The following CENPP variants were observed in gnomAD, a reference collection of about 807,000 sequenced individuals.
CENPP encodes centromere protein P.
CENPP carries 24 observed loss-of-function variants against 35.6 expected under a neutral mutation model. The observed-to-expected ratio is 0.67, with a 90% CI of 0.49 to 0.95. The LOEUF is 0.95. CENPP is among the 40% of genes least tolerant of loss of function. CENPP has a pLI of 0.00. For synonymous variants in CENPP, 120 were observed against 125.5 expected (o/e 0.96, Z 0.29); for missense variants, 332 against 345.3 (o/e 0.96, Z 0.31).
intron 5 of CENPP, among the ~76,000 whole-genome samples, chr9:92,490,439 G>C (rs2131119830): frequency 6.6e-6 from 1 of 152,252 alleles, no homozygotes; most frequent in Non-Finnish European, 1.5e-5. Context: ...GTCTATCAAG[G>C]ATCTGAATTT....
chr9:92,577,402 C>T (rs985675767), intron 5 of CENPP, among the ~76,000 whole-genome samples: 5 of 152,100 alleles, frequency 3.3e-5, no homozygotes. Flanking sequence ...GTAGTCCTCA[C>T]TACTCGGGAG....
Position 92,400,418 on chromosome 9 carries a change from G to A in CENPP, c.564+20559G>A, listed in dbSNP as rs987346072. On this transcript the variant is annotated intron_variant, in intron 5 of 7. Transcript: ENST00000375587. The stretch of plus-strand genomic sequence containing the variant: ...CCCGCCTCAGCCTCCCAAAGTACTG[G>A]GATTACAGGCGTGAGCCACCACGCC... 2.6e-5 allele frequency among the ~76,000 whole-genome samples: 4 copies of A among 152,170 alleles called. No homozygotes were observed. The South Asian group carries it at 8.3e-4, about 32-fold the overall frequency.
chr9:92,550,199 C>T (rs767427582), intron 5 of CENPP, among the ~76,000 whole-genome samples: 3 of 152,094 alleles, frequency 2.0e-5, no homozygotes, highest in Non-Finnish European at 4.4e-5. Context: ...AGATCGAGAC[C>T]ATCCTGGCCA....
chr9:92,344,891 AGGCGCGGT>A (rs1414731569), intron 3 of CENPP, among the ~76,000 whole-genome samples: 1 of 146,532 alleles, frequency 6.8e-6, no homozygotes. Context: ...CTTATCGGCC[AGGCGCGGT>A]GGCTCCCGCC....
intron 5 of CENPP, chr9:92,415,467 A>C (rs772362041): frequency 1.3e-6 from 2 of 1,580,202 alleles, no homozygotes; most frequent in Admixed American, 3.7e-5. Context: ...ACATCACTGT[A>C]AGATTCATCT....
At chr9:92,535,896 A>C (rs540849186) in intron 5 of CENPP, 3 of 453,104 alleles carry the variant, frequency 6.6e-6, no homozygotes, top group South Asian at 5.0e-5. Context: ...ACCATTCCAC[A>C]TGCTAAGTAG....
intron 3 of CENPP, among the ~76,000 whole-genome samples, chr9:92,339,448 G>A (rs560410548): frequency 4.6e-5 from 7 of 152,096 alleles, no homozygotes; most frequent in African/African-American, 1.7e-4. Flanking sequence ...GCTATTACTG[G>A]CTCTGGCAGG....
chr9:92,452,206 G>A (rs1026131237), intron 5 of CENPP, among the ~76,000 whole-genome samples: 35 of 151,962 alleles, frequency 2.3e-4, no homozygotes, highest in Admixed American at 3.9e-4. Context: ...TCCAGTTTTT[G>A]CCCATTCAGT....
intron 4 of CENPP, among the ~76,000 whole-genome samples, chr9:92,362,937 C>T (rs1191191188): frequency 3.9e-5 from 6 of 152,024 alleles, no homozygotes; most frequent in Admixed American, 2.6e-4. Context: ...CAAAGTGTCC[C>T]GGATTTGATC....
intron 5 of CENPP, chr9:92,496,521 A>G (rs764385758): frequency 2.4e-5 from 38 of 1,582,774 alleles, no homozygotes; most frequent in Non-Finnish European, 3.2e-5. Context: ...ACATGGTCCC[A>G]GTAATAATCT....
intron 5 of CENPP, among the ~76,000 whole-genome samples, chr9:92,534,656 A>G (rs2131296313): frequency 6.6e-6 from 1 of 152,310 alleles, no homozygotes; most frequent in East Asian, 1.9e-4. Flanking sequence ...TTGGCACCTG[A>G]AATCATAAAA....
At chr9:92,356,126 C>G (rs570317085) in intron 4 of CENPP, among the ~76,000 whole-genome samples, 2 of 152,150 alleles carry the variant, frequency 1.3e-5, no homozygotes, top group African/African-American at 4.8e-5. Flanking sequence ...CTAAAAATAA[C>G]TACTGCTTAG....
intron 5 of CENPP, among the ~76,000 whole-genome samples, chr9:92,398,955 G>A (rs887258121): frequency 3.3e-5 from 5 of 151,912 alleles, no homozygotes; most frequent in African/African-American, 7.3e-5. Context: ...CCAGCTACTC[G>A]GAGGCTGAAG....
chr9:92,562,091 A>T (rs535191930), intron 5 of CENPP, among the ~76,000 whole-genome samples: 35 of 152,298 alleles, frequency 2.3e-4, no homozygotes, highest in East Asian at 1.2e-3. Context: ...TTGGTAACAG[A>T]TCACCGTGAA....
intron 2 of CENPP, among the ~76,000 whole-genome samples, chr9:92,333,095 T>TC (rs1189119525): frequency 6.6e-6 from 1 of 152,188 alleles, no homozygotes; most frequent in Admixed American, 6.5e-5. Context: ...AGGTTTCTGG[T>TC]CCCAATGACT....
chr9:92,326,016 A>G lies in CENPP; in HGVS notation c.18A>G (p.Ala6=). ...AACGCGCCATGGACGCAGAGCTGGC[A>G]GAGGTGCGCGCCTTGCAAGCTGAGA... is the stretch of plus-strand genomic sequence containing the variant. MDAEL[A]EVRALQAEIA... Residue 6 remains alanine, a synonymous_variant, in exon 1 of 8, where the codon GCA becomes GCG. Coordinates refer to ENST00000375587, the MANE Select transcript of CENPP (RefSeq NM_001012267.3). 1.9e-6 allele frequency: 3 copies of G among 1,554,120 alleles called. No homozygotes were observed. The highest frequency in any genetic ancestry group is 1.2e-5 in the South Asian group (1 of 84,238).
chr9:92,586,207 G>A (rs1239635985), intron 5 of CENPP, among the ~76,000 whole-genome samples: 3 of 152,120 alleles, frequency 2.0e-5, no homozygotes, highest in Non-Finnish European at 2.9e-5. Context: ...CACCATGCCC[G>A]GCTAATTTTG....
At chr9:92,406,827 G>C (rs1843320528) in intron 5 of CENPP, among the ~76,000 whole-genome samples, 1 of 152,150 alleles carries the variant, frequency 6.6e-6, no homozygotes, top group South Asian at 2.1e-4. Flanking sequence ...CAACATTGCA[G>C]CCTGCTTCTT....
chr9:92,382,266 A>G (rs903982616), intron 5 of CENPP, among the ~76,000 whole-genome samples: 2 of 152,146 alleles, frequency 1.3e-5, no homozygotes, highest in African/African-American at 4.8e-5. Context: ...GTAATTTTAC[A>G]TATTCATGGG....
Sources: gnomAD v4.1 joint callset for allele counts (sites outside exome capture counted in the v4.1 genomes callset) on GRCh38, gnomAD v4.1.1 for gene constraint, MANE v1.5 for transcripts, NCBI Gene and HGNC (gene_info 2026-07-23, HGNC 2026-07-21) for gene names.